The following AGPAT3 variants were observed in gnomAD, a reference collection of about 807,000 sequenced individuals.
The protein encoded by AGPAT3 is 1-acyl-sn-glycerol-3-phosphate acyltransferase gamma.
A neutral mutation model predicts 47.3 loss-of-function variants in AGPAT3; 5 were observed. The observed-to-expected ratio is 0.11, with a 90% CI of 0.06 to 0.22. AGPAT3 has a LOEUF of 0.22. Among genes scored for constraint, AGPAT3 ranks in the 10% least tolerant of loss-of-function variants. The probability of loss-of-function intolerance (pLI) is 1.00; values close to 1 mark genes in which losing one functional copy is unlikely to be tolerated. For missense variants in AGPAT3, 315 were observed against 493.0 expected, an observed-to-expected ratio of 0.64 and a Z score of 3.42; for synonymous variants, 212 against 208.3, an observed-to-expected ratio of 1.02 and a Z score of -0.15.
At chr21:43,961,899 T>C (rs2088883378) in intron 3 of AGPAT3, among the ~76,000 whole-genome samples, 1 of 152,182 alleles carries the variant, frequency 6.6e-6, no homozygotes, top group Non-Finnish European at 1.5e-5. Flanking sequence ...AGCTAACTTT[T>C]CATGCCTGCG....
chr21:43,888,978 G>A (rs2086041991), intron 1 of AGPAT3, among the ~76,000 whole-genome samples: 4 of 145,028 alleles, frequency 2.8e-5, no homozygotes, highest in Non-Finnish European at 6.1e-5. Flanking sequence ...AATAGAGTGA[G>A]AACTTGTCTC....
chr21:43,909,144 C>T (rs545247649), intron 2 of AGPAT3, among the ~76,000 whole-genome samples: 6 of 152,348 alleles, frequency 3.9e-5, no homozygotes, highest in African/African-American at 7.2e-5. Context: ...AGGCTCCTCC[C>T]GGGTCTGGGT....
At chr21:43,973,347 G>A (rs2089474216) in intron 7 of AGPAT3, among the ~76,000 whole-genome samples, 1 of 152,234 alleles carries the variant, frequency 6.6e-6, no homozygotes, top group Non-Finnish European at 1.5e-5. Flanking sequence ...GGGGATGATA[G>A]CAGCTGGTGG....
intron 2 of AGPAT3, among the ~76,000 whole-genome samples, chr21:43,931,867 G>A (rs1240673809): frequency 6.6e-6 from 1 of 151,654 alleles, no homozygotes; most frequent in African/African-American, 2.4e-5. Context: ...CTATCTCAAT[G>A]TTCCATACAG....
chr21:43,961,227 G>A (rs963384097), intron 3 of AGPAT3, among the ~76,000 whole-genome samples: 4 of 152,130 alleles, frequency 2.6e-5, no homozygotes, highest in African/African-American at 9.7e-5. Flanking sequence ...GGGGAAAGGA[G>A]GGGATTCTTA....
At chr21:43,906,627 A>G (rs1171806990) in intron 2 of AGPAT3, among the ~76,000 whole-genome samples, 1 of 152,048 alleles carries the variant, frequency 6.6e-6, no homozygotes, top group Non-Finnish European at 1.5e-5. Context: ...TTAATTTTGG[A>G]AAACTTTGGC....
chr21:43,921,171 TG>T (rs1414225164), intron 2 of AGPAT3, among the ~76,000 whole-genome samples: 2 of 152,184 alleles, frequency 1.3e-5, no homozygotes, highest in African/African-American at 4.8e-5. Flanking sequence ...TGAGCTGCTC[TG>T]GCAAATTAAT....
chr21:43,889,874 T>C (rs767601377), intron 1 of AGPAT3, among the ~76,000 whole-genome samples: 1 of 152,248 alleles, frequency 6.6e-6, no homozygotes, highest in Non-Finnish European at 1.5e-5. Flanking sequence ...GAATGGCTGC[T>C]GAGCACTCAG....
Position 43,982,141 on chromosome 21 carries a change from T to A in AGPAT3, c.1043-163T>A, listed in dbSNP as rs2089876798. Among the ~76,000 whole-genome samples the A allele has an allele frequency of 6.6e-6, 1 of 152,206 alleles. No homozygotes were observed. Among genetic ancestry groups the A allele is most frequent in the Admixed American group, 6.5e-5 (1 of 15,280 alleles). On this transcript the variant is annotated intron_variant, in intron 9 of 9. Coordinates refer to ENST00000291572, the MANE Select transcript of AGPAT3 (RefSeq NM_020132.5). The surrounding 1 kb of genome is among the most constrained non-coding windows in gnomAD (Gnocchi z 6.2). ...TGAGCAGACCACGGTCTGAGAGGGC[T>A]GTCTCCCCGCGGGCCACACCTACTC...
intron 2 of AGPAT3, among the ~76,000 whole-genome samples, chr21:43,914,791 C>T (rs1389660079): frequency 2.0e-5 from 3 of 152,186 alleles, no homozygotes; most frequent in African/African-American, 7.2e-5. Context: ...ATCCTCACAG[C>T]TCGGCCTCCC....
chr21:43,887,740 C>T (rs917015247), intron 1 of AGPAT3, among the ~76,000 whole-genome samples: 1 of 152,234 alleles, frequency 6.6e-6, no homozygotes, highest in Non-Finnish European at 1.5e-5. Flanking sequence ...CCGCAACCTC[C>T]ACCTCTCAGA....
rs577042951 is a variant in AGPAT3 at position 43,911,691 on chromosome 21, C to T, written c.-49+7672C>T. 2.0e-4 allele frequency among the ~76,000 whole-genome samples: 30 copies of T among 152,368 alleles called. No homozygotes were observed. The South Asian group carries it at 5.8e-3, about 29-fold the overall frequency. ...CTGCTGTGCTCTGGAACATCCCACA[C>T]GGGGTTCCTCCCATTGGAACACAGG... On this transcript the variant is annotated intron_variant, in intron 2 of 9. Coordinates refer to ENST00000291572, the MANE Select transcript of AGPAT3 (RefSeq NM_020132.5).
chr21:43,972,873 C>T lies in AGPAT3; in HGVS notation c.767+1383C>T, dbSNP rs191521601. Among the ~76,000 whole-genome samples the T allele has an allele frequency of 1.6e-3, 243 of 152,348 alleles. 1 individual carries two copies. The highest frequency in any genetic ancestry group is 5.1e-3 in the African/African-American group (211 of 41,578). On this transcript the variant is annotated intron_variant, in intron 7 of 9. Coordinates refer to ENST00000291572, the MANE Select transcript of AGPAT3 (RefSeq NM_020132.5). ...TTCAAGTGTGTGCGGAAAGGCAGGG[C>T]CCTCCTTGCCACATGTAAAGCTGCA...
intron 1 of AGPAT3, among the ~76,000 whole-genome samples, chr21:43,875,956 C>CA (rs1006688479): frequency 6.6e-6 from 1 of 150,890 alleles, no homozygotes; most frequent in African/African-American, 2.4e-5. Flanking sequence ...TTTCTTTTTT[C>CA]TTTTTTTTTG....
intron 1 of AGPAT3, among the ~76,000 whole-genome samples, chr21:43,886,593 C>A (rs1251977188): frequency 6.6e-6 from 1 of 152,142 alleles, no homozygotes; most frequent in Non-Finnish European, 1.5e-5. Context: ...AATTTTTATA[C>A]CCATTAACCT....
At position 43,979,309 on chromosome 21, in the gene AGPAT3, A is replaced by AAAG. The variant is rs2089750096; in HGVS notation, c.843+1190_843+1191insGAA. On this transcript the variant is annotated intron_variant, in intron 8 of 9. Coordinates refer to ENST00000291572, the MANE Select transcript of AGPAT3 (RefSeq NM_020132.5). ...GTGAGACTCCAACTCAAAAAAAAAA[A>AAAG]AAAAAAAGAAAGAAAAAAAAAGAAA... Among the ~76,000 whole-genome samples the AAAG allele has an allele frequency of 2.0e-5, 3 of 146,884 alleles. No homozygotes were observed. In the Admixed American group the frequency reaches 2.1e-4, roughly 10 times the overall value.
Position 43,967,989 on chromosome 21 carries a change from A to C in AGPAT3, c.222A>C (p.Thr74=). ...LLEWWSCTEC[T]LFTDQATVER... is the part of the protein sequence containing the mutation. The stretch of plus-strand genomic sequence containing the variant: ...AGTGGTGGTCCTGCACGGAGTGTAC[A>C]CTGTTCACGGACCAGGCCACGGTAG... The change falls in exon 4 of 10, where the codon ACA becomes ACC. Residue 74 remains threonine, a synonymous_variant. Coordinates refer to ENST00000291572, the MANE Select transcript of AGPAT3 (RefSeq NM_020132.5). 6.2e-7 allele frequency: 1 copy of C among 1,613,824 alleles called. No individual in the cohort carries two copies. Among genetic ancestry groups the C allele is most frequent in the Non-Finnish European group, 8.5e-7 (1 of 1,179,962 alleles).
At chr21:43,917,990 T>G (rs1459202677) in intron 2 of AGPAT3, among the ~76,000 whole-genome samples, 1 of 85,898 alleles carries the variant, frequency 1.2e-5, no homozygotes, top group African/African-American at 4.7e-5. Context: ...GTGTTATGGG[T>G]GTTGTGGGGG....
chr21:43,927,101 C>T (rs2087082679), intron 2 of AGPAT3, among the ~76,000 whole-genome samples: 1 of 152,066 alleles, frequency 6.6e-6, no homozygotes, highest in Non-Finnish European at 1.5e-5. Flanking sequence ...AGCCACCAGC[C>T]AATACCAGAT....
Sources: gnomAD v4.1 joint callset for allele counts (sites outside exome capture counted in the v4.1 genomes callset) on GRCh38, gnomAD v4.1.1 for gene constraint, Gnocchi (gnomAD v3.1) non-coding constraint, MANE v1.5 for transcripts, NCBI Gene and HGNC (gene_info 2026-07-23, HGNC 2026-07-21) for gene names.